Variants in CXCL16 observed in about 807,000 individuals in gnomAD.
CXCL16 encodes C-X-C motif chemokine 16.
Under a neutral mutation model 23.8 loss-of-function variants are expected in CXCL16, and 18 were observed. The ratio of observed to expected loss-of-function variants is 0.76; its 90% CI spans 0.52 to 1.12. The LOEUF is 1.12. Among genes scored for constraint, CXCL16 ranks in the 50% most tolerant of loss-of-function variants. The pLI, the probability that CXCL16 is intolerant of heterozygous loss-of-function variation, is 0.00. For missense variants in CXCL16, 297 were observed against 315.4 expected (o/e 0.94, Z 0.44); for synonymous variants, 123 against 132.5 (o/e 0.93, Z 0.49).
rs527434288 is a variant in CXCL16 at position 4,739,541 on chromosome 17, T to C, written c.-202A>G. The C allele has an allele frequency of 3.9e-6, 3 of 762,572 alleles. No homozygotes were observed. The highest frequency in any genetic ancestry group is 6.0e-6 in the Non-Finnish European group (3 of 497,246). The allele number at this position is 762,572 out of a possible 1,614,324, so 47.2% of individuals were successfully genotyped here. On this transcript the variant is annotated 5_prime_UTR_variant, in exon 1 of 6. An upstream start codon of the reference 5' UTR is lost. Transcript: ENST00000293778. This position sits in a 1 kb window ranked among gnomAD's most constrained non-coding sequence, Gnocchi z 5.3. Reference sequence around the variant, plus strand: ...TGCGCTCAGTACTCGGCCCGCGCCATGCCAGCCTCTGGACGCAGGGAAAGC... The same window carrying C: ...TGCGCTCAGTACTCGGCCCGCGCCACGCCAGCCTCTGGACGCAGGGAAAGC...
At position 4,738,665 on chromosome 17, in the gene CXCL16, C is replaced by G; in HGVS notation, c.218+117G>C. On this transcript the variant is annotated intron_variant, in intron 2 of 5. Coordinates refer to ENST00000293778, the MANE Select transcript of CXCL16 (RefSeq NM_001386809.1). This position sits in a 1 kb window ranked among gnomAD's most constrained non-coding sequence, Gnocchi z 4.0. The stretch of plus-strand genomic sequence containing the variant: ...TTCGGGGAATGAGAGCAAACGGAAC[C>G]CGGAGATGGGGCTCGGTGAGCCGGG... 1 of 1,188,596 alleles carries G rather than the reference C, an allele frequency of 8.4e-7. No homozygotes were observed. The highest frequency in any genetic ancestry group is 2.5e-5 in the Admixed American group (1 of 39,500). The allele number at this position is 1,188,596 out of a possible 1,614,324, so 73.6% of individuals were successfully genotyped here.
In CXCL16 at chr17:4,738,966, C is replaced by T. The variant is rs1237923543; in HGVS notation, c.80-46G>A. ...CGGCACCCATTCCCAGGCCCAGGGTCCCCACTCCGCTGTTCCCTGGCATCC... is the reference window on the plus strand; with the variant it reads ...CGGCACCCATTCCCAGGCCCAGGGTTCCCACTCCGCTGTTCCCTGGCATCC... On this transcript the variant is annotated intron_variant, in intron 1 of 5. Transcript: ENST00000293778. The surrounding 1 kb of genome is among the most constrained non-coding windows in gnomAD (Gnocchi z 4.0). The T allele has an allele frequency of 6.3e-7, 1 of 1,599,698 alleles. No individual in the cohort carries two copies. The highest frequency in any genetic ancestry group is 8.5e-7 in the Non-Finnish European group (1 of 1,172,888).
chr17:4,735,056 G>T, intron 4 of CXCL16, 36 bp downstream of exon 4: 1 of 1,568,136 alleles, frequency 6.4e-7, no homozygotes, highest in South Asian at 1.2e-5. Context: ...GGAAGGCTCT[G>T]GGTCCCTGGG....
chr17:4,739,100 G>C lies in CXCL16; in HGVS notation c.79+161C>G. ...CATCCATAATCCCGCCCGGAGCCAG[G>C]CGTCCCCGGGCCTCTGTCCCCAACC... On this transcript the variant is annotated intron_variant, in intron 1 of 5. Transcript: ENST00000293778. The surrounding 1 kb of genome is among the most constrained non-coding windows in gnomAD (Gnocchi z 5.3). 4 of 1,183,020 alleles carry C rather than the reference G, an allele frequency of 3.4e-6. No individual in the cohort carries two copies. The highest frequency in any genetic ancestry group is 4.7e-6 in the Non-Finnish European group (4 of 850,610). 73.3% of individuals were successfully genotyped at this position (1,183,020 alleles called of 1,614,324 possible).
At position 4,735,639 on chromosome 17, in the gene CXCL16, T is replaced by TA. The variant is rs1314939622; in HGVS notation, c.302-132dup. ...GGGTCAAGGCTGATACCCCTATAAA[T>TA]AAAAAACATTAACAAGAGAAAAGCC... On this transcript the variant is annotated intron_variant, in intron 3 of 5. Coordinates refer to ENST00000293778, the MANE Select transcript of CXCL16 (RefSeq NM_001386809.1). 17 of 506,864 alleles carry TA rather than the reference T, an allele frequency of 3.4e-5. 1 individual carries two copies. Among genetic ancestry groups the TA allele is most frequent in the Middle Eastern group, 6.9e-4 (2 of 2,886 alleles). The allele number at this position is 506,864 out of a possible 1,614,324, so 31.4% of individuals were successfully genotyped here.
Position 4,738,767 on chromosome 17 carries a change from G to A in CXCL16, c.218+15C>T. 6.2e-7 allele frequency: 1 copy of A among 1,613,008 alleles called. No individual in the cohort carries two copies. Among genetic ancestry groups the A allele is most frequent in the South Asian group, 1.1e-5 (1 of 91,012 alleles). On this transcript the variant is annotated intron_variant, in intron 2 of 5. Coordinates refer to ENST00000293778, the MANE Select transcript of CXCL16 (RefSeq NM_001386809.1). This position sits in a 1 kb window ranked among gnomAD's most constrained non-coding sequence, Gnocchi z 4.0. ...GCCGCCCAGGCGCTGCCCTCGCAGA[G>A]GCAGGTAAAATTACCTCGTGTAGTA...
rs572094765 is a variant in CXCL16 at position 4,735,246 on chromosome 17, G to C, written c.564C>G (p.Asn188Lys). 3.4e-5 allele frequency: 55 copies of C among 1,614,156 alleles called. 1 individual carries two copies. In the South Asian group the frequency reaches 5.7e-4, roughly 17 times the overall value. ...SLAAGPEAGE[N>K]QKQPEKNAGP... is the part of the protein sequence containing the mutation. ...CAGCATTTTTTTCCGGCTGCTTCTGGTTCTCCCCAGCCTCAGGCCCAGCTG... is the reference window on the plus strand; with the variant it reads ...CAGCATTTTTTTCCGGCTGCTTCTGCTTCTCCCCAGCCTCAGGCCCAGCTG... The change falls in exon 4 of 6, where the codon AAC becomes AAG. Residue 188 changes from asparagine to lysine, a missense_variant. Coordinates refer to ENST00000293778, the MANE Select transcript of CXCL16 (RefSeq NM_001386809.1).
chr17:4,738,553 T>C lies in CXCL16; in HGVS notation c.219-63A>G. Reference sequence around the variant, plus strand: ...CTTTCCTTCCCCGGCTCCTTCCTCATTCCAGAGGCGTGAAGTTGCCACCAA... The same window carrying C: ...CTTTCCTTCCCCGGCTCCTTCCTCACTCCAGAGGCGTGAAGTTGCCACCAA... On this transcript the variant is annotated intron_variant, in intron 2 of 5. Coordinates refer to ENST00000293778, the MANE Select transcript of CXCL16 (RefSeq NM_001386809.1). This position sits in a 1 kb window ranked among gnomAD's most constrained non-coding sequence, Gnocchi z 4.0. 1 of 1,348,330 alleles carries C rather than the reference T, an allele frequency of 7.4e-7. No homozygotes were observed. The highest frequency in any genetic ancestry group is 2.3e-5 in the East Asian group (1 of 42,752). 83.5% of individuals were successfully genotyped at this position (1,348,330 alleles called of 1,614,324 possible). A position where few individuals can be genotyped will look rare whatever the true frequency, so the allele number is the denominator to read the frequency against.
rs559193255 is a variant in CXCL16, at chr17:4,735,427, T to C, written c.383A>G (p.Glu128Gly). Residue 128 changes from glutamate to glycine, a missense_variant, in exon 4 of 6, where the codon GAG becomes GGG. Glu to Gly is a moderately conservative substitution (Grantham distance 98, BLOSUM62 -2). Transcript: ENST00000293778. ...GGTGTGGATATCTGAAGATGCCCCC[T>C]CTGAGGCCTGAGAAATTGGGGGGCT... Reference protein sequence around the residue: ...PTSPPISQASEGASSDIHTPA... With the variant: ...PTSPPISQASGGASSDIHTPA... 1 of 1,526,698 alleles carries C rather than the reference T, an allele frequency of 6.6e-7. No homozygotes were observed. Among genetic ancestry groups the C allele is most frequent in the East Asian group, 2.3e-5 (1 of 43,764 alleles). 94.6% of individuals were successfully genotyped at this position (1,526,698 alleles called of 1,614,324 possible).
intron 3 of CXCL16, among the ~76,000 whole-genome samples, chr17:4,736,971 C>T (rs886611861): frequency 8.6e-5 from 13 of 151,980 alleles, no homozygotes; most frequent in African/African-American, 2.7e-4. Flanking sequence ...GCACATGCCA[C>T]CATGCCTGGC....
In CXCL16 at chr17:4,738,717, G is replaced by T; in HGVS notation, c.218+65C>A. 1 of 1,546,030 alleles carries T rather than the reference G, an allele frequency of 6.5e-7. No individual in the cohort carries two copies. ...AGGAGTTCAGGCTGGACCAGAGAGG[G>T]TCCTGGAGGCACCTGCAAGGAGGGG... On this transcript the variant is annotated intron_variant, in intron 2 of 5. Transcript: ENST00000293778. The surrounding 1 kb of genome is among the most constrained non-coding windows in gnomAD (Gnocchi z 4.0).
Position 4,738,563 on chromosome 17 carries a change from G to C in CXCL16, c.219-73C>G. 1.6e-6 allele frequency: 2 copies of C among 1,246,628 alleles called. No individual in the cohort carries two copies. The highest frequency in any genetic ancestry group is 1.3e-5 in the South Asian group (1 of 78,142). 77.2% of individuals were successfully genotyped at this position (1,246,628 alleles called of 1,614,324 possible). ...CCGGCTCCTTCCTCATTCCAGAGGCGTGAAGTTGCCACCAAGAAAGAGCCC... is the reference window on the plus strand; with the variant it reads ...CCGGCTCCTTCCTCATTCCAGAGGCCTGAAGTTGCCACCAAGAAAGAGCCC... On this transcript the variant is annotated intron_variant, in intron 2 of 5. Transcript: ENST00000293778. This position sits in a 1 kb window ranked among gnomAD's most constrained non-coding sequence, Gnocchi z 4.0.
rs1916094296 is a variant in CXCL16, at chr17:4,734,569, A to T, written c.*23+14T>A. The T allele has an allele frequency of 2.6e-6, 4 of 1,543,338 alleles. No individual in the cohort carries two copies. Among genetic ancestry groups the T allele is most frequent in the Non-Finnish European group, 3.6e-6 (4 of 1,115,662 alleles). Reference sequence around the variant, plus strand: ...CCTTTATTACACTTTTTGTAAGAATAAGCCACAGTTTACCCTCACAAGCTT... The same window carrying T: ...CCTTTATTACACTTTTTGTAAGAATTAGCCACAGTTTACCCTCACAAGCTT... On this transcript the variant is annotated intron_variant, in intron 5 of 5. Transcript: ENST00000293778.
chr17:4,739,746 C>T lies in CXCL16; in HGVS notation c.-407G>A. ...CAGGAGGCCGCCCGCCTGGCCCGTC[C>T]GCCGACCTGTGAGGCGGCTGCACTG... On this transcript the variant is annotated 5_prime_UTR_variant, in exon 1 of 6. Coordinates refer to ENST00000293778, the MANE Select transcript of CXCL16 (RefSeq NM_001386809.1). This position sits in a 1 kb window ranked among gnomAD's most constrained non-coding sequence, Gnocchi z 5.3. The T allele has an allele frequency of 9.4e-7, 1 of 1,065,208 alleles. No individual in the cohort carries two copies. Among genetic ancestry groups the T allele is most frequent in the African/African-American group, 1.7e-5 (1 of 59,696 alleles). The allele number at this position is 1,065,208 out of a possible 1,614,324, so 66.0% of individuals were successfully genotyped here.
Position 4,739,020 on chromosome 17 carries a change from T to C in CXCL16, c.80-100A>G. 6.9e-7 allele frequency: 1 copy of C among 1,447,004 alleles called. No homozygotes were observed. Among genetic ancestry groups the C allele is most frequent in the Non-Finnish European group, 9.3e-7 (1 of 1,070,794 alleles). The allele number at this position is 1,447,004 out of a possible 1,614,324, so 89.6% of individuals were successfully genotyped here. ...CCACAGCCCCATGACAGCCTCTCGGTGGACCCAGGGTCAGAGCGCCAGGCT... is the reference window on the plus strand; with the variant it reads ...CCACAGCCCCATGACAGCCTCTCGGCGGACCCAGGGTCAGAGCGCCAGGCT... On this transcript the variant is annotated intron_variant, in intron 1 of 5. Transcript: ENST00000293778. The surrounding 1 kb of genome is among the most constrained non-coding windows in gnomAD (Gnocchi z 5.3).
At position 4,735,239 on chromosome 17, in the gene CXCL16, G is replaced by A. The variant is rs1377468729; in HGVS notation, c.571C>T (p.Gln191Ter). 6.2e-7 allele frequency: 1 copy of A among 1,614,022 alleles called. No homozygotes were observed. The highest frequency in any genetic ancestry group is 1.3e-5 in the African/African-American group (1 of 74,922). Residue 191 changes from glutamine to a stop codon, truncating the protein, a stop_gained, in exon 4 of 6, where the codon CAG becomes TAG. Transcript: ENST00000293778. LOFTEE classifies it high-confidence loss of function. ...AGPEAGENQK[Q>*]PEKNAGPTAR... is the part of the protein sequence containing the mutation. ...GTGGGACCAGCATTTTTTTCCGGCT[G>A]CTTCTGGTTCTCCCCAGCCTCAGGC...
chr17:4,738,586 C>A lies in CXCL16; in HGVS notation c.219-96G>T, dbSNP rs1916235388. On this transcript the variant is annotated intron_variant, in intron 2 of 5. Transcript: ENST00000293778. The surrounding 1 kb of genome is among the most constrained non-coding windows in gnomAD (Gnocchi z 4.0). ...GCGTGAAGTTGCCACCAAGAAAGAG[C>A]CCTTTCTCCTGGGACTGGGAAACTC... The A allele has an allele frequency of 2.7e-6, 3 of 1,102,198 alleles. No individual in the cohort carries two copies. The highest frequency in any genetic ancestry group is 3.1e-5 in the African/African-American group (2 of 64,024). 68.3% of individuals were successfully genotyped at this position (1,102,198 alleles called of 1,614,324 possible).
chr17:4,734,800 G>A (rs1916101945), intron 4 of CXCL16, 148 bp from the exon 5 acceptor site: 1 of 755,512 alleles, frequency 1.3e-6, no homozygotes, highest in Non-Finnish European at 2.3e-6. Flanking sequence ...TGAATTGAAT[G>A]ACTGGCCCTC....
intron 4 of CXCL16, among the ~76,000 whole-genome samples, 190 bp downstream of exon 4, chr17:4,734,902 C>T (rs541133182): frequency 6.6e-6 from 1 of 152,336 alleles, no homozygotes; most frequent in South Asian, 2.1e-4. Context: ...CCTGTGGTGG[C>T]TTCCTTCCCT....
Sources: allele counts gnomAD v4.1 joint callset (sites outside exome capture counted in the v4.1 genomes callset), GRCh38; gene constraint gnomAD v4.1.1; non-coding constraint Gnocchi (gnomAD v3.1); transcripts MANE v1.5; gene names NCBI Gene and HGNC (gene_info 2026-07-23, HGNC 2026-07-21).